RASGRP3: variants seen among roughly 807,000 people sequenced by gnomAD.
RASGRP3 encodes RAS guanyl releasing protein 3.
Under a neutral mutation model 82.7 loss-of-function variants are expected in RASGRP3, and 54 were observed. The observed-to-expected ratio is 0.65, with a 90% confidence interval of 0.52 to 0.82. The LOEUF (loss-of-function observed/expected upper bound fraction) is 0.82. Ranked by LOEUF, RASGRP3 falls within the 40% of genes least tolerant of loss-of-function variation. The pLI, the probability that RASGRP3 is intolerant of heterozygous loss-of-function variation, is 0.00. For synonymous variants in RASGRP3, 309 were observed against 300.5 expected (o/e 1.03, Z -0.29); for missense variants, 861 against 828.9 (o/e 1.04, Z -0.48).
Position 33,493,876 on chromosome 2 carries a change from C to A in RASGRP3, c.-261+17169C>A, listed in dbSNP as rs536462665. 6.0e-4 allele frequency among the ~76,000 whole-genome samples: 91 copies of A among 152,152 alleles called. 1 individual carries two copies. Among genetic ancestry groups the A allele is most frequent in the African/African-American group, 2.1e-3 (89 of 41,514 alleles). On this transcript the variant is annotated intron_variant, in intron 1 of 17. Coordinates refer to ENST00000403687, the MANE Select transcript of RASGRP3 (RefSeq NM_001139488.2). ...GAAGAAATTCCATGACTGGTGATAG[C>A]ATATAGCTGTTTCATTTCTCCGTAT...
At chr2:33,498,021 C>T (rs1438470108) in intron 1 of RASGRP3, among the ~76,000 whole-genome samples, 1 of 152,250 alleles carries the variant, frequency 6.6e-6, no homozygotes, top group East Asian at 1.9e-4. Flanking sequence ...TTTCCTTTCT[C>T]CCTTCTCTCT....
upstream of RASGRP3, among the ~76,000 whole-genome samples, chr2:33,472,387 G>C (rs185305491): frequency 9.7e-4 from 148 of 152,312 alleles, no homozygotes; most frequent in African/African-American, 3.0e-3. Flanking sequence ...ACGATGGCCC[G>C]GAGGGGCTTT....
chr2:33,525,463 A>G (rs992303814), intron 9 of RASGRP3, among the ~76,000 whole-genome samples: 3 of 152,048 alleles, frequency 2.0e-5, no homozygotes, highest in Non-Finnish European at 4.4e-5. Flanking sequence ...CATCCTTATG[A>G]AAAGATTCTC....
At chr2:33,535,722 A>G (rs1673540468) in intron 11 of RASGRP3, among the ~76,000 whole-genome samples, 1 of 152,230 alleles carries the variant, frequency 6.6e-6, no homozygotes, top group Non-Finnish European at 1.5e-5. Flanking sequence ...GTGGGATGAT[A>G]TGGCACATGC....
At chr2:33,483,159 A>G (rs1218269491) in intron 1 of RASGRP3, among the ~76,000 whole-genome samples, 3 of 152,196 alleles carry the variant, frequency 2.0e-5, no homozygotes, top group Non-Finnish European at 2.9e-5. Context: ...AACTCAATGT[A>G]TAAATGATTT....
chr2:33,518,109 G>C (rs115520079), intron 4 of RASGRP3, among the ~76,000 whole-genome samples: 3 of 152,086 alleles, frequency 2.0e-5, no homozygotes, highest in Admixed American at 6.5e-5. Context: ...TAACGACGGG[G>C]ATACATTCTA....
intron 9 of RASGRP3, among the ~76,000 whole-genome samples, chr2:33,524,875 C>G (rs1672373097): frequency 6.6e-6 from 1 of 151,810 alleles, no homozygotes; most frequent in Non-Finnish European, 1.5e-5. Flanking sequence ...GTCAGGAGAT[C>G]TATACCATCC....
Position 33,562,708 on chromosome 2 carries a change from A to G in RASGRP3, c.2065-21A>G, listed in dbSNP as rs770758926. ...GTTATATGAGATCCAGCCATGCAAT[A>G]GGTTCCAATTTGTGTTTCAGGATGG... On this transcript the variant is annotated intron_variant, in intron 17 of 17. Transcript: ENST00000403687. 24 of 1,612,698 alleles carry G rather than the reference A, an allele frequency of 1.5e-5. No individual in the cohort carries two copies. The South Asian group carries it at 2.3e-4, about 16-fold the overall frequency.
At chr2:33,446,098 C>T (rs6543712) in intron 1 of RASGRP3, among the ~76,000 whole-genome samples, 55,925 of 152,110 alleles carry the variant, frequency 0.37, 10,817 homozygotes, top group Non-Finnish European at 0.39. Flanking sequence ...ACTAGTTCTG[C>T]TGTTAATGTG....
rs1674224099 is a variant in RASGRP3, at chr2:33,540,802, A to T, written c.1278+1592A>T. On this transcript the variant is annotated intron_variant, in intron 12 of 17. Coordinates refer to ENST00000403687, the MANE Select transcript of RASGRP3 (RefSeq NM_001139488.2). ...GGATGTTAAACTATAAATAGTAGGC[A>T]TTCCAAAATAGTTAACTTTTAAGCT... Among the ~76,000 whole-genome samples, 2 of 146,016 alleles carry T rather than the reference A, an allele frequency of 1.4e-5. 1 individual carries two copies. The highest frequency in any genetic ancestry group is 3.1e-5 in the Non-Finnish European group (2 of 65,376).
At chr2:33,443,514 T>C (rs918685827) in intron 1 of RASGRP3, among the ~76,000 whole-genome samples, 5 of 152,164 alleles carry the variant, frequency 3.3e-5, no homozygotes, top group Non-Finnish European at 7.4e-5. Flanking sequence ...TAGCCTGATA[T>C]GGAGTAAAAT....
intron 11 of RASGRP3, among the ~76,000 whole-genome samples, chr2:33,536,729 G>A (rs1389411892): frequency 6.6e-6 from 1 of 152,122 alleles, no homozygotes; most frequent in Non-Finnish European, 1.5e-5. Context: ...TGGAGTGTCA[G>A]CCTATTTGAC....
At chr2:33,553,742 T>A (rs1207329182) in intron 14 of RASGRP3, among the ~76,000 whole-genome samples, 1 of 152,134 alleles carries the variant, frequency 6.6e-6, no homozygotes, top group Non-Finnish European at 1.5e-5. Context: ...GCATTTTATT[T>A]ATTTATTATT....
At chr2:33,509,722 A>G (rs1285985530) in intron 1 of RASGRP3, among the ~76,000 whole-genome samples, 1 of 152,160 alleles carries the variant, frequency 6.6e-6, no homozygotes, top group Non-Finnish European at 1.5e-5. Context: ...TTGCTAGACT[A>G]TAGAGGCAAG....
intron 1 of RASGRP3, among the ~76,000 whole-genome samples, chr2:33,438,157 G>A (rs897192415): frequency 1.5e-4 from 23 of 152,184 alleles, no homozygotes; most frequent in African/African-American, 4.6e-4. Context: ...CTGTATGTAA[G>A]GTTTAAGAAA....
chr2:33,550,406 G>A (rs1165396237), intron 14 of RASGRP3, among the ~76,000 whole-genome samples: 3 of 152,132 alleles, frequency 2.0e-5, no homozygotes, highest in East Asian at 3.8e-4. Context: ...CTTGGACTCC[G>A]ACACAGGTGT....
At chr2:33,531,360 C>G (rs1251658853) in intron 10 of RASGRP3, among the ~76,000 whole-genome samples, 1 of 152,206 alleles carries the variant, frequency 6.6e-6, no homozygotes, top group Non-Finnish European at 1.5e-5. Flanking sequence ...GAAAGTAGAA[C>G]AGATCACCCT....
rs1399694229 is a variant in RASGRP3 at position 33,562,950 on chromosome 2, AC to A, written c.*217del. ...TGAACTATTTATTTCCTCCTCCCCT[AC>A]CCCTAGTTAAGTGCCACAAAGACTG... On this transcript the variant is annotated 3_prime_UTR_variant, in exon 18 of 18. Transcript: ENST00000403687. 1.6e-6 allele frequency: 1 copy of A among 628,164 alleles called. No homozygotes were observed. The highest frequency in any genetic ancestry group is 2.8e-5 in the East Asian group (1 of 35,418). 38.9% of individuals were successfully genotyped at this position (628,164 alleles called of 1,614,324 possible).
rs144610858 is a variant in RASGRP3, at chr2:33,515,689, A to G, written c.70+483A>G. Among the ~76,000 whole-genome samples the G allele has an allele frequency of 1.2e-3, 187 of 152,308 alleles. 2 individuals carry two copies. Among genetic ancestry groups the G allele is most frequent in the Admixed American group, 6.6e-3 (101 of 15,304 alleles). On this transcript the variant is annotated intron_variant, in intron 3 of 17. Coordinates refer to ENST00000403687, the MANE Select transcript of RASGRP3 (RefSeq NM_001139488.2). ...TGAGTAGCACAATTGACTACATTCT[A>G]CATTCATACACGTCATATCTGCTAC...
Sources: allele counts gnomAD v4.1 joint callset (sites outside exome capture counted in the v4.1 genomes callset), GRCh38; gene constraint gnomAD v4.1.1; transcripts MANE v1.5; gene names NCBI Gene and HGNC (gene_info 2026-07-23, HGNC 2026-07-21).